The following CTNNA3 variants were observed in gnomAD, a reference collection of about 807,000 sequenced individuals.
The protein encoded by CTNNA3 is catenin alpha-3.
CTNNA3 carries 76 observed loss-of-function variants against 95.7 expected under a neutral mutation model. That is an observed-to-expected ratio of 0.79 (90% CI 0.66 to 0.96). CTNNA3 has a LOEUF of 0.96. Ranked by LOEUF, CTNNA3 falls within the 40% of genes least tolerant of loss-of-function variation. The pLI, the probability that CTNNA3 is intolerant of heterozygous loss-of-function variation, is 0.00. For missense variants in CTNNA3, 1,191 were observed against 1,089.8 expected (o/e 1.09, Z -1.31); for synonymous variants, 431 against 374.4 (o/e 1.15, Z -1.74).
Position 67,105,648 on chromosome 10 carries a change from C to A in CTNNA3, c.1047+74669G>T, listed in dbSNP as rs534279750. On this transcript the variant is annotated intron_variant, in intron 7 of 17. Transcript: ENST00000433211. ...TGGTCACCGCTGTTTTTCTGTTCTACCATAAGGCAATTATCAGAGTGGAAT... is the reference window on the plus strand; with the variant it reads ...TGGTCACCGCTGTTTTTCTGTTCTAACATAAGGCAATTATCAGAGTGGAAT... Among the ~76,000 whole-genome samples the A allele has an allele frequency of 9.9e-4, 151 of 152,192 alleles. No individual in the cohort carries two copies. The Middle Eastern group carries it at 0.02, about 21-fold the overall frequency.
At chr10:66,412,561 C>A (rs998170041) in intron 11 of CTNNA3, among the ~76,000 whole-genome samples, 5 of 148,708 alleles carry the variant, frequency 3.4e-5, no homozygotes, top group African/African-American at 1.2e-4. Flanking sequence ...CCCTGGTTTA[C>A]ACCATTCTCC....
chr10:66,406,881 T>C (rs2093061719), intron 11 of CTNNA3, among the ~76,000 whole-genome samples: 1 of 152,198 alleles, frequency 6.6e-6, no homozygotes. Context: ...TAACCATACT[T>C]ATATCTTCCT....
intron 5 of CTNNA3, among the ~76,000 whole-genome samples, chr10:67,497,765 C>T (rs184140494): frequency 1.4e-3 from 214 of 152,288 alleles, no homozygotes; most frequent in African/African-American, 4.4e-3. Context: ...CCTTCACCCA[C>T]GTTTTGATGG....
At chr10:66,009,748 A>G (rs1347033006) in intron 15 of CTNNA3, among the ~76,000 whole-genome samples, 1 of 152,170 alleles carries the variant, frequency 6.6e-6, no homozygotes, top group Non-Finnish European at 1.5e-5. Flanking sequence ...GGTTATGTAT[A>G]TAGATATCTT....
rs146323054 is a variant in CTNNA3, at chr10:67,486,351, CCACCCTT to C, written c.579+35484_579+35490del. 0.029 allele frequency among the ~76,000 whole-genome samples: 4,423 copies of C among 152,238 alleles called. 400 individuals carry two copies. In the East Asian group the frequency reaches 0.34, roughly 12 times the overall value. ...TTTTACTATATGGGTTCATGACCCT[CCACCCTT>C]CACCTAGTACTCAATTCCAATAGAT... is the stretch of plus-strand genomic sequence containing the variant. On this transcript the variant is annotated intron_variant, in intron 5 of 17. Transcript: ENST00000433211.
At chr10:67,629,429 A>G (rs944199663) in intron 2 of CTNNA3, among the ~76,000 whole-genome samples, 1 of 152,174 alleles carries the variant, frequency 6.6e-6, no homozygotes, top group Non-Finnish European at 1.5e-5. Context: ...GCCAGACAAA[A>G]CTGGAATACA....
At chr10:66,587,798 C>A (rs1217173456) in intron 10 of CTNNA3, among the ~76,000 whole-genome samples, 1 of 152,150 alleles carries the variant, frequency 6.6e-6, no homozygotes, top group African/African-American at 2.4e-5. Context: ...AAAAACTGCC[C>A]CAGGCCATAA....
At chr10:66,322,687 A>T (rs1329612719) in intron 12 of CTNNA3, among the ~76,000 whole-genome samples, 1 of 152,140 alleles carries the variant, frequency 6.6e-6, no homozygotes, top group Non-Finnish European at 1.5e-5. Flanking sequence ...GAGTATCTCC[A>T]TTCTGGACAT....
chr10:66,018,449 AAAT>A (rs1269922289), intron 15 of CTNNA3, among the ~76,000 whole-genome samples: 1 of 152,142 alleles, frequency 6.6e-6, no homozygotes, highest in Admixed American at 6.5e-5. Flanking sequence ...ATTTTGAGAA[AAAT>A]AATGTCACCC....
chr10:65,933,357 A>G (rs2133151863), intron 17 of CTNNA3, among the ~76,000 whole-genome samples: 1 of 152,308 alleles, frequency 6.6e-6, no homozygotes, highest in Non-Finnish European at 1.5e-5. Flanking sequence ...CTTCAAGGTT[A>G]TCCCTCTAAT....
chr10:66,589,824 G>C (rs1357812489), intron 10 of CTNNA3, among the ~76,000 whole-genome samples: 2 of 152,088 alleles, frequency 1.3e-5, no homozygotes, highest in Non-Finnish European at 2.9e-5. Context: ...TAAAAGGAAG[G>C]ACCATCCCAC....
chr10:66,818,005 C>A (rs4130134), intron 7 of CTNNA3, among the ~76,000 whole-genome samples: 87,118 of 151,470 alleles, frequency 0.58, 25,190 homozygotes, highest in Admixed American at 0.62. Flanking sequence ...CAATCGATCC[C>A]ATAAACTATA....
intron 5 of CTNNA3, among the ~76,000 whole-genome samples, chr10:67,460,940 G>A (rs982088793): frequency 1.3e-5 from 2 of 152,084 alleles, no homozygotes; most frequent in African/African-American, 2.4e-5. Context: ...CATTCCTATT[G>A]TACTTTATAT....
chr10:66,616,459 G>A (rs1042808098), intron 10 of CTNNA3, among the ~76,000 whole-genome samples: 2 of 152,074 alleles, frequency 1.3e-5, no homozygotes, highest in African/African-American at 4.8e-5. Flanking sequence ...TATAATGAGA[G>A]TGATTGTGTT....
intron 12 of CTNNA3, among the ~76,000 whole-genome samples, chr10:66,297,765 T>A (rs998470356): frequency 6.6e-6 from 1 of 152,182 alleles, no homozygotes; most frequent in Admixed American, 6.5e-5. Flanking sequence ...AACCACTTAG[T>A]GAAACAAGAA....
intron 5 of CTNNA3, among the ~76,000 whole-genome samples, chr10:67,408,557 C>A (rs556105690): frequency 6.6e-6 from 1 of 152,160 alleles, no homozygotes; most frequent in East Asian, 1.9e-4. Flanking sequence ...AACTGGACCC[C>A]TTCCTTACAC....
chr10:66,151,895 A>T (rs1184317119), intron 13 of CTNNA3, among the ~76,000 whole-genome samples: 1 of 152,052 alleles, frequency 6.6e-6, no homozygotes, highest in Non-Finnish European at 1.5e-5. Context: ...AATGATAATC[A>T]TCTGGATCAT....
At chr10:65,947,070 A>G (rs1280885080) in intron 17 of CTNNA3, among the ~76,000 whole-genome samples, 2 of 147,550 alleles carry the variant, frequency 1.4e-5, no homozygotes, top group Admixed American at 1.4e-4. Context: ...ACAGTTAATG[A>G]CAGCCTAAGT....
chr10:67,680,975 G>A (rs1589561636), intron 1 of CTNNA3, among the ~76,000 whole-genome samples: 1 of 152,118 alleles, frequency 6.6e-6, no homozygotes, highest in East Asian at 1.9e-4. Context: ...TTTAAAATAT[G>A]ATGGAAGGAA....
Sources: gnomAD v4.1 joint callset for allele counts (sites outside exome capture counted in the v4.1 genomes callset) on GRCh38, gnomAD v4.1.1 for gene constraint, MANE v1.5 for transcripts, NCBI Gene and HGNC (gene_info 2026-07-23, HGNC 2026-07-21) for gene names.